Variants in SPTLC2 observed in about 807,000 individuals in gnomAD.
SPTLC2 encodes serine palmitoyltransferase 2.
A neutral mutation model predicts 62.0 loss-of-function variants in SPTLC2; 21 were observed. The observed-to-expected ratio is 0.34, with a 90% CI of 0.24 to 0.49. SPTLC2 has a LOEUF of 0.49. SPTLC2 is among the 20% of genes least tolerant of loss of function. SPTLC2 has a pLI of 0.99. For synonymous variants in SPTLC2, 261 were observed against 261.8 expected, an observed-to-expected ratio of 1.00 and a Z score of 0.03; for missense variants, 511 against 713.0, an observed-to-expected ratio of 0.72 and a Z score of 3.23.
chr14:77,551,251 G>A (rs562976562), intron 9 of SPTLC2, among the ~76,000 whole-genome samples: 13 of 151,900 alleles, frequency 8.6e-5, no homozygotes, highest in South Asian at 8.3e-4. Flanking sequence ...AAAATTAGCC[G>A]GGCGTGGTGG....
Position 77,548,627 on chromosome 14 carries a change from C to T in SPTLC2, c.1303+3469G>A, listed in dbSNP as rs115963013. On this transcript the variant is annotated intron_variant, in intron 9 of 11. Transcript: ENST00000216484. ...TCAGTATTCCCACTCCAGGTACAGGCATCCTGGCAGCACAATTCCCATTCA... is the reference window on the plus strand; with the variant it reads ...TCAGTATTCCCACTCCAGGTACAGGTATCCTGGCAGCACAATTCCCATTCA... Among the ~76,000 whole-genome samples, 994 of 152,280 alleles carry T rather than the reference C, an allele frequency of 6.5e-3. 9 individuals carry two copies. Among genetic ancestry groups the T allele is most frequent in the African/African-American group, 0.022 (915 of 41,524 alleles).
chr14:77,528,225 C>T (rs893371448), intron 9 of SPTLC2, among the ~76,000 whole-genome samples: 1 of 152,036 alleles, frequency 6.6e-6, no homozygotes, highest in African/African-American at 2.4e-5. Context: ...TTCCCCACCC[C>T]TCTTTTCCTC....
At position 77,597,273 on chromosome 14, in the gene SPTLC2, T is replaced by C; in HGVS notation, c.240A>G (p.Val80=). 6.2e-7 allele frequency: 1 copy of C among 1,614,160 alleles called. No individual in the cohort carries two copies. ...VAVLTYVGYG[V]LTLFGYLRDF... ...CTCGAAGATATCCAAAGAGGGTGAG[T>C]ACGCCATACCCCACATACGTGAGCA... Residue 80 remains valine (V), a synonymous_variant, in exon 2 of 12, where the codon GTA becomes GTG. Coordinates refer to ENST00000216484, the MANE Select transcript of SPTLC2 (RefSeq NM_004863.4).
chr14:77,607,909 A>G (rs1370233429), intron 1 of SPTLC2, among the ~76,000 whole-genome samples: 1 of 152,246 alleles, frequency 6.6e-6, no homozygotes, highest in Non-Finnish European at 1.5e-5. Flanking sequence ...GGTGGACTGC[A>G]GTACAACCAG....
chr14:77,517,547 A>T (rs946948237), intron 11 of SPTLC2, among the ~76,000 whole-genome samples: 3 of 152,092 alleles, frequency 2.0e-5, no homozygotes, highest in Non-Finnish European at 2.9e-5. Flanking sequence ...TATTTATCTA[A>T]TGGAGAAGAC....
chr14:77,556,948 C>A, intron 7 of SPTLC2, 93 bp downstream of exon 7: 1 of 995,246 alleles, frequency 1.0e-6, no homozygotes, highest in East Asian at 2.4e-5. Context: ...CCTTAGTTTC[C>A]AGAGGGGGAT....
At chr14:77,584,246 C>T (rs2079769028) in intron 2 of SPTLC2, among the ~76,000 whole-genome samples, 2 of 152,142 alleles carry the variant, frequency 1.3e-5, no homozygotes, top group African/African-American at 4.8e-5. Context: ...ATTAAGAACA[C>T]AGGGGGCAAA....
At chr14:77,537,323 C>T (rs1262994832) in intron 9 of SPTLC2, among the ~76,000 whole-genome samples, 2 of 151,466 alleles carry the variant, frequency 1.3e-5, no homozygotes, top group Non-Finnish European at 2.9e-5. Context: ...TTCCCTATGG[C>T]ACATTTTAAG....
chr14:77,608,907 G>A (rs1305208340), intron 1 of SPTLC2, among the ~76,000 whole-genome samples: 2 of 138,068 alleles, frequency 1.4e-5, no homozygotes, highest in African/African-American at 5.3e-5. Flanking sequence ...GACAGATTGA[G>A]GCTCCATCTC....
chr14:77,515,621 C>T (rs1306120805), intron 11 of SPTLC2, among the ~76,000 whole-genome samples: 1 of 145,934 alleles, frequency 6.9e-6, no homozygotes, highest in African/African-American at 2.6e-5. Flanking sequence ...GCGATCTCAG[C>T]TCACTGCAAC....
intron 5 of SPTLC2, among the ~76,000 whole-genome samples, chr14:77,564,311 GAGAAGGAGA>G (rs1471534456): frequency 6.8e-6 from 1 of 146,770 alleles, no homozygotes; most frequent in Admixed American, 6.9e-5. Context: ...GGAGAAGGAG[GAGAAGGAGA>G]AGAAGGAGAA....
intron 6 of SPTLC2, 58 bp downstream of exon 6, chr14:77,562,338 C>T: frequency 7.0e-7 from 1 of 1,430,158 alleles, no homozygotes; most frequent in Non-Finnish European, 9.9e-7. Context: ...TTAACTCCCA[C>T]CATGGATCGA....
In SPTLC2 at chr14:77,509,518, A is replaced by T. The variant is rs551847193; in HGVS notation, c.*2766T>A. 5.2e-6 allele frequency: 1 copy of T among 194,102 alleles called. No homozygotes were observed. Among genetic ancestry groups the T allele is most frequent in the Admixed American group, 6.0e-5 (1 of 16,532 alleles). 12.0% of individuals were successfully genotyped at this position (194,102 alleles called of 1,614,324 possible). On this transcript the variant is annotated 3_prime_UTR_variant, in exon 12 of 12. Transcript: ENST00000216484. ...ACACCTCTATCAATCGACTCAGATG[A>T]TCAGTTTTGGTAGTCATGGTTAACC...
chr14:77,521,788 C>T (rs916163423), intron 9 of SPTLC2, among the ~76,000 whole-genome samples: 2 of 152,062 alleles, frequency 1.3e-5, no homozygotes, highest in Non-Finnish European at 2.9e-5. Flanking sequence ...CTGTTAACAG[C>T]AGAAGTTATA....
chr14:77,517,416 T>C (rs1260020918), intron 11 of SPTLC2, among the ~76,000 whole-genome samples: 1 of 152,168 alleles, frequency 6.6e-6, no homozygotes, highest in African/African-American at 2.4e-5. Context: ...TATATAGAGA[T>C]GAGAATATCT....
At chr14:77,597,465 A>C (rs1416808731) in intron 1 of SPTLC2, 85 bp from the exon 2 acceptor site, 31 of 1,306,604 alleles carry the variant, frequency 2.4e-5, no homozygotes, top group Non-Finnish European at 3.2e-5. Context: ...AGATTTGCTG[A>C]ATTATACCTT....
intron 5 of SPTLC2, among the ~76,000 whole-genome samples, chr14:77,563,987 C>G (rs1245813575): frequency 6.6e-6 from 1 of 152,062 alleles, no homozygotes; most frequent in African/African-American, 2.4e-5. Context: ...CATGGTGGCT[C>G]ATGCCTGTAA....
intron 6 of SPTLC2, 115 bp from the exon 7 acceptor site, chr14:77,557,261 T>A (rs1040837036): frequency 1.8e-5 from 17 of 935,850 alleles, no homozygotes; most frequent in Non-Finnish European, 2.6e-5. Flanking sequence ...GCAAAGGACA[T>A]AATTAGAGTT....
intron 1 of SPTLC2, among the ~76,000 whole-genome samples, chr14:77,613,629 G>A (rs750509718): frequency 1.3e-5 from 2 of 152,174 alleles, no homozygotes; most frequent in African/African-American, 2.4e-5. Flanking sequence ...AGTGATCCTA[G>A]ACGTTTCTGA....
Sources: gnomAD v4.1 joint callset for allele counts (sites outside exome capture counted in the v4.1 genomes callset) on GRCh38, gnomAD v4.1.1 for gene constraint, MANE v1.5 for transcripts, NCBI Gene and HGNC (gene_info 2026-07-23, HGNC 2026-07-21) for gene names.